BRWD3: variants seen among roughly 807,000 people sequenced by gnomAD.
BRWD3 encodes the protein bromodomain and WD repeat domain containing 3.
Under a neutral mutation model 149.7 loss-of-function variants are expected in BRWD3, and 10 were observed. That is an observed-to-expected ratio of 0.07 (90% CI 0.04 to 0.11). The LOEUF (loss-of-function observed/expected upper bound fraction) is 0.11, where lower values mean the gene tolerates loss of function less well. Ranked by LOEUF, BRWD3 falls within the 10% of genes least tolerant of loss-of-function variation. The pLI, the probability that BRWD3 is intolerant of heterozygous loss-of-function variation, is 1.00. For synonymous variants in BRWD3, 504 were observed against 456.7 expected, an observed-to-expected ratio of 1.10 and a Z score of -1.32; for missense variants, 940 against 1,373.2, an observed-to-expected ratio of 0.68 and a Z score of 4.99.
rs2072589400 is a variant in BRWD3, at chrX:80,689,971, T to C, written c.3724A>G (p.Ile1242Val). ...KIVTDVLLRF[I>V]GDQSCTDILD... Reference sequence around the variant, plus strand: ...GAAGCTAAAACTGCTTCTTACCCAATAAATCGAAGTAAGACATCAGTTACA... The same window carrying C: ...GAAGCTAAAACTGCTTCTTACCCAACAAATCGAAGTAAGACATCAGTTACA... The change falls in exon 32 of 41, where the codon ATT becomes GTT. Residue 1242 changes from isoleucine (I) to valine (V), a missense_variant. By Grantham distance (29) the Ile-to-Val change is conservative. Around this residue, in one of 6 missense-constraint regions of BRWD3, gnomAD observed 349 missense variants for 419.6 expected, o/e 0.83. Coordinates refer to ENST00000373275, the MANE Select transcript of BRWD3 (RefSeq NM_153252.5). 8.3e-7 allele frequency: 1 copy of C among 1,208,562 alleles called. No individual in the cohort carries two copies. The highest frequency in any genetic ancestry group is 1.8e-5 in the South Asian group (1 of 56,754).
At chrX:80,701,130 T>C (rs938339219) in intron 24 of BRWD3, among the ~76,000 whole-genome samples, 1 of 111,876 alleles carries the variant, frequency 8.9e-6, no homozygotes, top group Non-Finnish European at 1.9e-5. Flanking sequence ...CAAGAGTTCA[T>C]GTCAGAACTG....
chrX:80,754,258 G>A (rs1423536178), intron 6 of BRWD3, among the ~76,000 whole-genome samples: 3 of 111,393 alleles, frequency 2.7e-5, no homozygotes, highest in Non-Finnish European at 5.7e-5. Context: ...CCTAGATTTT[G>A]GGGGTTTTTT....
chrX:80,712,524 CTTGGCCTCCCAAAGTGCCGAGA>C (rs1316268207), intron 20 of BRWD3, among the ~76,000 whole-genome samples: 2 of 110,959 alleles, frequency 1.8e-5, no homozygotes, highest in African/African-American at 6.6e-5. Flanking sequence ...AGCCGCCTGC[CTTGGCCTCCCAAAGTGCCGAGA>C]TTGCAGCCTC....
chrX:80,742,693 CTGTT>C (rs1478283536), intron 8 of BRWD3, among the ~76,000 whole-genome samples: 1 of 108,331 alleles, frequency 9.2e-6, no homozygotes, highest in Non-Finnish European at 1.9e-5. Context: ...ATTTGGCTCT[CTGTT>C]TGTCTGTTAT....
At chrX:80,716,018 G>T in intron 20 of BRWD3, 139 bp downstream of exon 20, 2 of 452,526 alleles carry the variant, frequency 4.4e-6, no homozygotes. Flanking sequence ...ATCTCAATTT[G>T]TGGCTCAAAA....
intron 40 of BRWD3, among the ~76,000 whole-genome samples, chrX:80,679,573 A>T (rs2072416842): frequency 8.9e-6 from 1 of 111,931 alleles, no homozygotes; most frequent in African/African-American, 3.2e-5. Flanking sequence ...TTTGTGGAAG[A>T]CAAAAACAAG....
chrX:80,806,755 C>T (rs1048478452), intron 4 of BRWD3, among the ~76,000 whole-genome samples: 1 of 112,245 alleles, frequency 8.9e-6, no homozygotes, highest in Non-Finnish European at 1.9e-5. Context: ...ATAATGATGA[C>T]TATTCAAATA....
chrX:80,722,085 T>C (rs759779306), intron 17 of BRWD3, among the ~76,000 whole-genome samples: 44 of 112,064 alleles, frequency 3.9e-4, no homozygotes, highest in Non-Finnish European at 7.3e-4. Flanking sequence ...TAACCTCAAG[T>C]AATCCACCCG....
intron 17 of BRWD3, among the ~76,000 whole-genome samples, chrX:80,720,173 A>G (rs2073126752): frequency 8.9e-6 from 1 of 111,917 alleles, no homozygotes; most frequent in Admixed American, 9.6e-5. Context: ...CATACTTCGT[A>G]TCATTTTGAA....
intron 8 of BRWD3, among the ~76,000 whole-genome samples, chrX:80,739,660 T>C (rs1228000270): frequency 8.9e-6 from 1 of 111,890 alleles, no homozygotes; most frequent in Non-Finnish European, 1.9e-5. Flanking sequence ...AGAGGACACA[T>C]ATCAAGACCT....
At chrX:80,750,334 C>T (rs1175351518) in intron 6 of BRWD3, among the ~76,000 whole-genome samples, 1 of 110,271 alleles carries the variant, frequency 9.1e-6, no homozygotes, top group Non-Finnish European at 1.9e-5. Flanking sequence ...ACCTGCATAC[C>T]ATCTATCTGA....
At chrX:80,700,384 C>T (rs2072764367) in intron 24 of BRWD3, among the ~76,000 whole-genome samples, 1 of 83,120 alleles carries the variant, frequency 1.2e-5, no homozygotes, top group Admixed American at 1.5e-4. Context: ...CCTCCATATC[C>T]ACAGCTTCTG....
rs1166857735 is a variant in BRWD3, at chrX:80,725,041, T to G, written c.1413A>C (p.Leu471=). Residue 471 remains leucine, a synonymous_variant, in exon 15 of 41, where the codon CTA becomes CTC. Coordinates refer to ENST00000373275, the MANE Select transcript of BRWD3 (RefSeq NM_153252.5). ...TCCTTTGATCAAATGGATGGGCTTCTAGAACGAATACTTCATCATCATGTC... is the reference window on the plus strand; with the variant it reads ...TCCTTTGATCAAATGGATGGGCTTCGAGAACGAATACTTCATCATCATGTC... ...LSGHDDEVFV[L]EAHPFDQRII... The G allele has an allele frequency of 1.2e-5, 14 of 1,206,017 alleles. No individual in the cohort carries two copies. The highest frequency in any genetic ancestry group is 4.6e-4 in the Middle Eastern group (2 of 4,357).
In BRWD3 at chrX:80,809,698, A is replaced by AGGGAGAGAGAGAGTGAGTGAGT. The variant is rs2074389683; in HGVS notation, c.-249_-228dup. ...GGAGGAGGAAGGAGAGGAGAGGGAG[A>AGGGAGAGAGAGAGTGAGTGAGT]GGGAGAGAGAGAGTGAGTGAGTGAG... On this transcript the variant is annotated 5_prime_UTR_variant, in exon 1 of 41. Transcript: ENST00000373275. 2.8e-6 allele frequency: 1 copy of AGGGAGAGAGAGAGTGAGTGAGT among 351,800 alleles called. No homozygotes were observed. The highest frequency in any genetic ancestry group is 3.0e-5 in the African/African-American group (1 of 33,436). The allele number at this position is 351,800 out of a possible 1,213,427, so 29.0% of individuals were successfully genotyped here.
chrX:80,791,786 G>T (rs1241840321), intron 6 of BRWD3, 68 bp downstream of exon 6: 1 of 814,880 alleles, frequency 1.2e-6, no homozygotes, highest in Non-Finnish European at 1.8e-6. Flanking sequence ...ACCTATTTTT[G>T]TCTTCCTAAT....
At chrX:80,754,591 G>C (rs948891660) in intron 6 of BRWD3, among the ~76,000 whole-genome samples, 2 of 112,186 alleles carry the variant, frequency 1.8e-5, no homozygotes, top group Admixed American at 1.9e-4. Flanking sequence ...CCAGTTCTTA[G>C]AAGAAATGTT....
intron 8 of BRWD3, among the ~76,000 whole-genome samples, chrX:80,740,721 C>T (rs931311323): frequency 1.8e-5 from 2 of 111,647 alleles, no homozygotes; most frequent in Non-Finnish European, 3.8e-5. Flanking sequence ...TGCACTCCAG[C>T]ATGGGTGACA....
intron 6 of BRWD3, among the ~76,000 whole-genome samples, chrX:80,783,828 G>A (rs1446281707): frequency 1.8e-5 from 2 of 111,752 alleles, no homozygotes; most frequent in African/African-American, 3.3e-5. Context: ...AGCACAGAAA[G>A]ACAAACTTTA....
At chrX:80,687,120 A>C (rs1367708953) in intron 34 of BRWD3, 117 bp from the exon 35 acceptor site, 8 of 319,776 alleles carry the variant, frequency 2.5e-5, no homozygotes, top group African/African-American at 6.0e-5. Flanking sequence ...ATATATATAT[A>C]TATGGCAGCT....
Sources: gnomAD v4.1 joint callset for allele counts (sites outside exome capture counted in the v4.1 genomes callset) on GRCh38, gnomAD v4.1.1 for gene constraint, gnomAD v4.1.1 regional missense constraint, MANE v1.5 for transcripts, NCBI Gene and HGNC (gene_info 2026-07-23, HGNC 2026-07-21) for gene names.